The following RFNG variants were observed in gnomAD, a reference collection of about 807,000 sequenced individuals.
RFNG encodes beta-1,3-N-acetylglucosaminyltransferase radical fringe.
Under a neutral mutation model 29.6 loss-of-function variants are expected in RFNG, and 37 were observed. The observed-to-expected ratio is 1.25, with a 90% CI of 0.96 to 1.65. The LOEUF (loss-of-function observed/expected upper bound fraction) is 1.65. RFNG is among the 40% of genes most tolerant of loss of function. The pLI is 0.00. For synonymous variants in RFNG, 276 were observed against 197.3 expected (o/e 1.40, Z -3.34); for missense variants, 546 against 457.0 (o/e 1.19, Z -1.78).
At position 82,051,300 on chromosome 17, in the gene RFNG, G is replaced by A; in HGVS notation, c.310C>T (p.Gln104Ter). Residue 104 changes from glutamine (Q) to a stop codon, truncating the protein, a stop_gained, in exon 2 of 8, where the codon CAG (glutamine) becomes TAG (stop). Coordinates refer to ENST00000310496, the MANE Select transcript of RFNG (RefSeq NM_002917.2). LOFTEE classifies it high-confidence loss of function. The surrounding 1 kb of genome is among the most constrained non-coding windows in gnomAD (Gnocchi z 4.1). ...GGGAGTGGGGGACACTCACCGCCCT[G>A]GAGCTCGAGCTCAGGGTCGTCCCCG... ...TDGDDPELELQGGDRVINTNC... is the reference protein window; with the variant it reads ...TDGDDPELEL 7.0e-7 allele frequency: 1 copy of A among 1,421,962 alleles called. No individual in the cohort carries two copies. The highest frequency in any genetic ancestry group is 9.2e-7 in the Non-Finnish European group (1 of 1,090,492). 88.1% of individuals were successfully genotyped at this position (1,421,962 alleles called of 1,614,324 possible).
rs117999554 is a variant in RFNG, at chr17:82,051,792, C to A, written c.-26G>T. On this transcript the variant is annotated 5_prime_UTR_variant, in exon 1 of 8. Transcript: ENST00000310496. The surrounding 1 kb of genome is among the most constrained non-coding windows in gnomAD (Gnocchi z 4.1). ...GCGGCCGCCGGGACCCCCGGCGCTG[C>A]GAGCGGAGAACCTGGCCGGAGCCGT... 5.3e-6 allele frequency: 6 copies of A among 1,121,634 alleles called. No individual in the cohort carries two copies. The Admixed American group carries it at 1.5e-4, about 28-fold the overall frequency. The allele number at this position is 1,121,634 out of a possible 1,614,324, so 69.5% of individuals were successfully genotyped here.
chr17:82,051,072 C>A lies in RFNG; in HGVS notation c.316+222G>T. ...TTCAGGGGACGTGGCACTAGCCCCA[C>A]GCCCCGGGAAGCGGCTAGTGTGAGA... On this transcript the variant is annotated intron_variant, in intron 2 of 7. Transcript: ENST00000310496. The surrounding 1 kb of genome is among the most constrained non-coding windows in gnomAD (Gnocchi z 4.1). 1 of 1,366,916 alleles carries A rather than the reference C, an allele frequency of 7.3e-7. No homozygotes were observed. Among genetic ancestry groups the A allele is most frequent in the Non-Finnish European group, 9.4e-7 (1 of 1,065,440 alleles). 84.7% of individuals were successfully genotyped at this position (1,366,916 alleles called of 1,614,324 possible).
rs2030043515 is a variant in RFNG at position 82,048,099 on chromosome 17, G to GAA, written c.*625_*626dup. 6.5e-6 allele frequency: 1 copy of GAA among 152,898 alleles called. No homozygotes were observed. The highest frequency in any genetic ancestry group is 2.4e-5 in the African/African-American group (1 of 41,440). 9.5% of individuals were successfully genotyped at this position (152,898 alleles called of 1,614,324 possible). On this transcript the variant is annotated 3_prime_UTR_variant, in exon 8 of 8. Transcript: ENST00000310496. ...CACAGTGGGGCAGGAGCACGACCCA[G>GAA]AAAGTAGTCCTGAGCCACAAGTCAG...
chr17:82,048,687 G>A lies in RFNG; in HGVS notation c.*39C>T. On this transcript the variant is annotated 3_prime_UTR_variant, in exon 8 of 8. Coordinates refer to ENST00000310496, the MANE Select transcript of RFNG (RefSeq NM_002917.2). ...TAGGGGGCTCTGGTTCCCCGCGCCTGGGACAGAGCCAGGCAGCCCTGGGTC... is the reference window on the plus strand; with the variant it reads ...TAGGGGGCTCTGGTTCCCCGCGCCTAGGACAGAGCCAGGCAGCCCTGGGTC... The A allele has an allele frequency of 6.4e-7, 1 of 1,564,766 alleles. No individual in the cohort carries two copies. Among genetic ancestry groups the A allele is most frequent in the African/African-American group, 1.3e-5 (1 of 74,118 alleles).
At chr17:82,050,625 C>T (rs757518975) in intron 3 of RFNG, 37 bp downstream of exon 3, 1 of 1,610,528 alleles carries the variant, frequency 6.2e-7, no homozygotes, top group South Asian at 1.1e-5. Flanking sequence ...CCCAGCTTGG[C>T]TCTGAGCTCT....
At chr17:82,050,800 A>C (rs4464142) in intron 2 of RFNG, 36 bp from the exon 3 acceptor site, 1,568,310 of 1,600,970 alleles carry the variant, frequency 0.98, 768,271 homozygotes, top group East Asian at 1. Context: ...CACGTAGAGG[A>C]TGGCACTGGG....
intron 2 of RFNG, 85 bp from the exon 3 acceptor site, chr17:82,050,849 C>G (rs1217049660): frequency 1.3e-6 from 2 of 1,482,624 alleles, no homozygotes; most frequent in Non-Finnish European, 1.8e-6. Flanking sequence ...CCCCAAGGGC[C>G]AGGGCACAAC....
Position 82,051,674 on chromosome 17 carries a change from G to A in RFNG, c.93C>T (p.Arg31=). 2.0e-6 allele frequency: 2 copies of A among 997,574 alleles called. No homozygotes were observed. The highest frequency in any genetic ancestry group is 2.4e-6 in the Non-Finnish European group (2 of 839,366). 61.8% of individuals were successfully genotyped at this position (997,574 alleles called of 1,614,324 possible). Residue 31 remains arginine (R), a synonymous_variant, in exon 1 of 8, where the codon CGC becomes CGT. Coordinates refer to ENST00000310496, the MANE Select transcript of RFNG (RefSeq NM_002917.2). The surrounding 1 kb of genome is among the most constrained non-coding windows in gnomAD (Gnocchi z 4.1). ...CGGGGGTCCGGGCCGGGGCGGGCGC[G>A]CGGGGCAGCGGCAGCGGCAGTAACA... ...ALLLLPLPLP[R]APAPARTPAP... is the part of the protein sequence containing the mutation.
Position 82,051,226 on chromosome 17 carries a change from C to T in RFNG, c.316+68G>A, listed in dbSNP as rs1326526282. On this transcript the variant is annotated intron_variant, in intron 2 of 7. Transcript: ENST00000310496. This position sits in a 1 kb window ranked among gnomAD's most constrained non-coding sequence, Gnocchi z 4.1. ...AAGGCACCCACAGCAGCGAAGGGGC[C>T]GTGGCTTCGGAGCGAGAAAGGCTCG... 1 of 1,312,602 alleles carries T rather than the reference C, an allele frequency of 7.6e-7. No homozygotes were observed. Among genetic ancestry groups the T allele is most frequent in the Non-Finnish European group, 9.7e-7 (1 of 1,026,900 alleles). 81.3% of individuals were successfully genotyped at this position (1,312,602 alleles called of 1,614,324 possible).
intron 4 of RFNG, 174 bp from the exon 5 acceptor site, chr17:82,050,180 C>T: frequency 1.3e-6 from 1 of 770,070 alleles, no homozygotes; most frequent in Non-Finnish European, 2.1e-6. Context: ...GACCCGTAGC[C>T]TCCAGACCCT....
chr17:82,049,694 C>T lies in RFNG; in HGVS notation c.811G>A (p.Asp271Asn), dbSNP rs1239545635. ...GCCTGTACCTGCTGGAGCAGGGTGT[C>T]GGGCGGCAGCCTCTGCAGGTTCTCC... ...HLENLQRLPP[D>N]TLLQQVTLSH... The change falls in exon 6 of 8, where the codon GAC becomes AAC. Residue 271 changes from aspartate (D) to asparagine (N), a missense_variant. By Grantham distance (23) the Asp-to-Asn change is conservative. Transcript: ENST00000310496. 1.0e-5 allele frequency: 15 copies of T among 1,476,776 alleles called. No homozygotes were observed. The highest frequency in any genetic ancestry group is 5.6e-5 in the South Asian group (4 of 70,942). 91.5% of individuals were successfully genotyped at this position (1,476,776 alleles called of 1,614,324 possible). A position where few individuals can be genotyped will look rare whatever the true frequency, so the allele number is the denominator to read the frequency against.
chr17:82,048,828 G>A lies in RFNG; in HGVS notation c.915-21C>T, dbSNP rs200040630. 1.1e-5 allele frequency: 18 copies of A among 1,600,938 alleles called. No individual in the cohort carries two copies. In the East Asian group the frequency reaches 1.8e-4, roughly 16 times the overall value. On this transcript the variant is annotated intron_variant, in intron 7 of 7. Coordinates refer to ENST00000310496, the MANE Select transcript of RFNG (RefSeq NM_002917.2). Reference sequence around the variant, plus strand: ...TAAACCTGGGGAAGGAAGAAGTAGGGGTCAGGGCCGTGGGCGGAGAGAGAA... The same window carrying A: ...TAAACCTGGGGAAGGAAGAAGTAGGAGTCAGGGCCGTGGGCGGAGAGAGAA...
In RFNG at chr17:82,051,523, A is replaced by G; in HGVS notation, c.244T>C (p.Trp82Arg). 1 of 1,395,678 alleles carries G rather than the reference A, an allele frequency of 7.2e-7. No homozygotes were observed. The highest frequency in any genetic ancestry group is 9.3e-7 in the Non-Finnish European group (1 of 1,070,628). 86.5% of individuals were successfully genotyped at this position (1,395,678 alleles called of 1,614,324 possible). ...GPRLRLLLRTWISRARQQTFI... is the reference protein window; with the variant it reads ...GPRLRLLLRTRISRARQQTFI... Reference sequence around the variant, plus strand: ...ACCTGCTGGCGGGCCCGGGAGATCCAGGTGCGCAGCAGCAGCCGCAGGCGC... The same window carrying G: ...ACCTGCTGGCGGGCCCGGGAGATCCGGGTGCGCAGCAGCAGCCGCAGGCGC... The change falls in exon 1 of 8, where the codon TGG (tryptophan) becomes CGG (arginine). Residue 82 changes from tryptophan to arginine, a missense_variant. Physicochemically the swap from Trp to Arg is moderately radical, Grantham distance 101. Coordinates refer to ENST00000310496, the MANE Select transcript of RFNG (RefSeq NM_002917.2). The surrounding 1 kb of genome is among the most constrained non-coding windows in gnomAD (Gnocchi z 4.1).
chr17:82,050,260 C>G (rs921863487), intron 4 of RFNG, 142 bp downstream of exon 4: 18 of 1,053,456 alleles, frequency 1.7e-5, no homozygotes, highest in Non-Finnish European at 2.3e-5. Flanking sequence ...CCTGAAACAC[C>G]ACATGCAAAC....
rs371704868 is a variant in RFNG at position 82,048,823 on chromosome 17, G to C, written c.915-16C>G. The C allele has an allele frequency of 1.2e-5, 20 of 1,606,200 alleles. No individual in the cohort carries two copies. The highest frequency in any genetic ancestry group is 1.7e-5 in the Non-Finnish European group (20 of 1,173,530). On this transcript the variant is annotated splice_polypyrimidine_tract_variant and intron_variant, in intron 7 of 7. Coordinates refer to ENST00000310496, the MANE Select transcript of RFNG (RefSeq NM_002917.2). ...AGACTTAAACCTGGGGAAGGAAGAA[G>C]TAGGGGTCAGGGCCGTGGGCGGAGA...
In RFNG at chr17:82,048,785, G is replaced by A; in HGVS notation, c.937C>T (p.Leu313=). 16 of 1,613,350 alleles carry A rather than the reference G, an allele frequency of 9.9e-6. No homozygotes were observed. Among genetic ancestry groups the A allele is most frequent in the Non-Finnish European group, 1.3e-5 (15 of 1,179,766 alleles). ...GGACACCAGTCCGTGTCTGGGTACA[G>A]AAGACAATGGATAGACTTAAACCTG... The part of the protein sequence containing the change: ...PTRFKSIHCL[L]YPDTDWCPRQ... The change falls in exon 8 of 8, where the codon CTG becomes TTG. Residue 313 remains leucine, a synonymous_variant. Transcript: ENST00000310496.
rs2030496243 is a variant in RFNG, at chr17:82,051,166, G to C, written c.316+128C>G. 1 of 1,303,024 alleles carries C rather than the reference G, an allele frequency of 7.7e-7. No individual in the cohort carries two copies. The highest frequency in any genetic ancestry group is 9.8e-7 in the Non-Finnish European group (1 of 1,024,124). 80.7% of individuals were successfully genotyped at this position (1,303,024 alleles called of 1,614,324 possible). On this transcript the variant is annotated intron_variant, in intron 2 of 7. Transcript: ENST00000310496. The surrounding 1 kb of genome is among the most constrained non-coding windows in gnomAD (Gnocchi z 4.1). ...CAGGCCGCGTGACCTGGGCAGCGTC[G>C]GGGCCTCCCCGGGCCTCGGGAGCCT...
Position 82,051,128 on chromosome 17 carries a change from G to A in RFNG, c.316+166C>T. The stretch of plus-strand genomic sequence containing the variant: ...GTGGGGAGCAGAGCTTGGCTGGCAG[G>A]GTGGGCCCTCCGCAGGCCGCGTGAC... On this transcript the variant is annotated intron_variant, in intron 2 of 7. Transcript: ENST00000310496. This position sits in a 1 kb window ranked among gnomAD's most constrained non-coding sequence, Gnocchi z 4.1. 7.5e-7 allele frequency: 1 copy of A among 1,325,890 alleles called. No individual in the cohort carries two copies. The highest frequency in any genetic ancestry group is 9.6e-7 in the Non-Finnish European group (1 of 1,042,002). 82.1% of individuals were successfully genotyped at this position (1,325,890 alleles called of 1,614,324 possible).
chr17:82,048,874 C>A, intron 7 of RFNG, 67 bp from the exon 8 acceptor site: 1 of 1,482,996 alleles, frequency 6.7e-7, no homozygotes, highest in Non-Finnish European at 9.4e-7. Flanking sequence ...GGGCCGTGGG[C>A]GGCGGGAGAA....
Sources: gnomAD v4.1 joint callset for allele counts on GRCh38, gnomAD v4.1.1 for gene constraint, Gnocchi (gnomAD v3.1) non-coding constraint, MANE v1.5 for transcripts, NCBI Gene and HGNC (gene_info 2026-07-23, HGNC 2026-07-21) for gene names.